The following MAOB variants were observed in gnomAD, a reference collection of about 807,000 sequenced individuals.
MAOB encodes the protein monoamine oxidase B, also known as amine oxidase [flavin-containing] B.
In MAOB, 15 loss-of-function variants were observed where a neutral mutation model predicts 41.9. That is an observed-to-expected ratio of 0.36 (90% confidence interval 0.24 to 0.55). The LOEUF is 0.55. Among genes scored for constraint, MAOB ranks in the 20% least tolerant of loss-of-function variants. The probability of loss-of-function intolerance (pLI) is 0.86; values close to 1 mark genes in which losing one functional copy is unlikely to be tolerated. For missense variants in MAOB, 345 were observed against 398.7 expected (o/e 0.87, Z 1.15); for synonymous variants, 167 against 144.2 (o/e 1.16, Z -1.13).
chrX:43,876,368 T>C (rs1310228630), intron 1 of MAOB, among the ~76,000 whole-genome samples: 1 of 112,629 alleles, frequency 8.9e-6, no homozygotes, highest in Non-Finnish European at 1.9e-5. Flanking sequence ...ATTTATACTT[T>C]GAGGAATTTT....
At chrX:43,839,303 T>A (rs1477612626) in intron 2 of MAOB, among the ~76,000 whole-genome samples, 4 of 111,865 alleles carry the variant, frequency 3.6e-5, no homozygotes, top group African/African-American at 1.3e-4. Context: ...GAGCTGTGAA[T>A]TATTGACGAA....
chrX:43,805,398 A>G (rs775703941), intron 3 of MAOB, among the ~76,000 whole-genome samples: 1 of 111,562 alleles, frequency 9.0e-6, no homozygotes, highest in Non-Finnish European at 1.9e-5. Flanking sequence ...TCCAATCAAG[A>G]TATAAAACAT....
intron 2 of MAOB, among the ~76,000 whole-genome samples, chrX:43,840,893 GTTT>G (rs749492144): frequency 4.3e-5 from 4 of 92,100 alleles, no homozygotes; most frequent in African/African-American, 1.2e-4. Context: ...AGCTGCAGGA[GTTT>G]TTTTTTTTTT....
intron 3 of MAOB, among the ~76,000 whole-genome samples, chrX:43,806,112 T>C (rs1485685465): frequency 4.4e-5 from 5 of 112,451 alleles, no homozygotes; most frequent in Non-Finnish European, 9.4e-5. Flanking sequence ...TTTTCTCTAA[T>C]GTTAGCATCT....
At chrX:43,859,280 A>G (rs1262263300) in intron 1 of MAOB, among the ~76,000 whole-genome samples, 1 of 111,557 alleles carries the variant, frequency 9.0e-6, no homozygotes, top group African/African-American at 3.3e-5. Context: ...ATAAACCTGG[A>G]GCAATCTGAG....
chrX:43,815,367 C>A (rs144089980), intron 3 of MAOB, among the ~76,000 whole-genome samples: 3 of 111,947 alleles, frequency 2.7e-5, no homozygotes, highest in Non-Finnish European at 5.6e-5. Flanking sequence ...TCAACATGCA[C>A]ACCAGCACTA....
At chrX:43,775,102 T>C in intron 12 of MAOB, 73 bp downstream of exon 12, 6 of 903,819 alleles carry the variant, frequency 6.6e-6, no homozygotes, top group East Asian at 4.9e-5. Flanking sequence ...GGAGAAGAGC[T>C]ACCTGAACCT....
chrX:43,838,903 C>T lies in MAOB; in HGVS notation c.244G>A (p.Val82Met). The change falls in exon 3 of 15, where the codon GTG (valine) becomes ATG (methionine). Residue 82 changes from valine to methionine, a missense_variant. Val to Met is a conservative substitution (Grantham distance 21, BLOSUM62 1). Coordinates refer to ENST00000378069, the MANE Select transcript of MAOB (RefSeq NM_000898.5). ...TGGATCAGACGCTCAACCTCATTCACTTTGTAGGTCTCCAATCCTAGCTCC... is the reference window on the plus strand; with the variant it reads ...TGGATCAGACGCTCAACCTCATTCATTTTGTAGGTCTCCAATCCTAGCTCC... ...AKELGLETYKVNEVERLIHHV... is the reference protein window; with the variant it reads ...AKELGLETYKMNEVERLIHHV... 1.7e-6 allele frequency: 2 copies of T among 1,206,798 alleles called. No homozygotes were observed. The highest frequency in any genetic ancestry group is 2.2e-6 in the Non-Finnish European group (2 of 892,879).
intron 8 of MAOB, among the ~76,000 whole-genome samples, chrX:43,790,629 A>G (rs1472272143): frequency 9.1e-6 from 1 of 110,271 alleles, no homozygotes; most frequent in Non-Finnish European, 1.9e-5. Flanking sequence ...TCTGTTGCCC[A>G]GGCTGAAGTT....
intron 5 of MAOB, among the ~76,000 whole-genome samples, chrX:43,798,138 T>A: frequency 8.9e-6 from 1 of 111,986 alleles, no homozygotes; most frequent in Non-Finnish European, 1.9e-5. Context: ...CTCTTTTCAC[T>A]GTCTGAAATT....
intron 8 of MAOB, among the ~76,000 whole-genome samples, chrX:43,788,496 A>G (rs1163142609): frequency 8.9e-6 from 1 of 112,121 alleles, no homozygotes; most frequent in African/African-American, 3.2e-5. Context: ...TCAAAAAGAA[A>G]TGCTCCTATA....
intron 1 of MAOB, among the ~76,000 whole-genome samples, chrX:43,851,461 C>T (rs759391102): frequency 5.1e-4 from 57 of 111,485 alleles, no homozygotes; most frequent in African/African-American, 1.7e-3. Flanking sequence ...TTTCCTTAAG[C>T]AATTGTACTC....
intron 1 of MAOB, among the ~76,000 whole-genome samples, chrX:43,867,520 A>T (rs969150164): frequency 8.9e-6 from 1 of 112,526 alleles, no homozygotes; most frequent in Non-Finnish European, 1.9e-5. Flanking sequence ...GATGGAAAAA[A>T]CAATATTCAA....
At chrX:43,851,773 A>G (rs752136343) in intron 1 of MAOB, among the ~76,000 whole-genome samples, 7 of 111,844 alleles carry the variant, frequency 6.3e-5, no homozygotes, top group Non-Finnish European at 1.3e-4. Flanking sequence ...AAGACAGATT[A>G]GGAAATCTAG....
At chrX:43,878,446 G>GT (rs1336986554) in intron 1 of MAOB, among the ~76,000 whole-genome samples, 18 of 97,367 alleles carry the variant, frequency 1.8e-4, no homozygotes, top group African/African-American at 6.7e-4. Context: ...GTGTGTGTGT[G>GT]GAGACCATGT....
At chrX:43,776,613 A>AT (rs764833152) in intron 11 of MAOB, among the ~76,000 whole-genome samples, 111 of 103,900 alleles carry the variant, frequency 1.1e-3, no homozygotes, top group East Asian at 8.9e-3. Flanking sequence ...ACTGAATGGC[A>AT]TTTTTTTTTA....
chrX:43,843,613 G>T (rs947898763), intron 2 of MAOB, 57 bp downstream of exon 2: 1 of 1,112,809 alleles, frequency 9.0e-7, no homozygotes, highest in South Asian at 2.2e-5. Context: ...AGACAAAAAT[G>T]AAACCCCAAA....
chrX:43,793,114 G>A (rs987379141), intron 8 of MAOB, among the ~76,000 whole-genome samples: 3 of 111,913 alleles, frequency 2.7e-5, no homozygotes, highest in Admixed American at 9.5e-5. Context: ...CCACTTATAA[G>A]TGAGAGCTAA....
At chrX:43,867,685 C>T (rs2035374496) in intron 1 of MAOB, among the ~76,000 whole-genome samples, 3 of 112,068 alleles carry the variant, frequency 2.7e-5, no homozygotes, top group Admixed American at 9.5e-5. Flanking sequence ...TCTTATCATG[C>T]GTACAAGAAT....
Sources: gnomAD v4.1 joint callset for allele counts (sites outside exome capture counted in the v4.1 genomes callset) on GRCh38, gnomAD v4.1.1 for gene constraint, MANE v1.5 for transcripts, NCBI Gene and HGNC (gene_info 2026-07-23, HGNC 2026-07-21) for gene names.